Variants in PRLR observed in about 807,000 individuals in gnomAD.
The protein encoded by PRLR is hPRL receptor.
PRLR carries 13 observed loss-of-function variants against 40.2 expected under a neutral mutation model. The observed-to-expected ratio is 0.32, with a 90% CI of 0.21 to 0.51. The LOEUF (loss-of-function observed/expected upper bound fraction) is 0.51. PRLR is among the 20% of genes least tolerant of loss of function. The pLI, the probability that PRLR is intolerant of heterozygous loss-of-function variation, is 0.97. For missense variants in PRLR, 656 were observed against 747.3 expected (o/e 0.88, Z 1.42); for synonymous variants, 269 against 278.7 (o/e 0.97, Z 0.35).
chr5:35,086,159 A>G (rs1199606679), intron 4 of PRLR, 49 bp downstream of exon 4: 6 of 1,604,714 alleles, frequency 3.7e-6, no homozygotes, highest in South Asian at 2.2e-5. Context: ...TGGCCTGGAG[A>G]ATGGGAGTAC....
At chr5:35,230,141 C>G (rs1579826377) in intron 1 of PRLR, 127 bp downstream of exon 1, 1 of 152,174 alleles carries the variant, frequency 6.6e-6, no homozygotes, top group Non-Finnish European at 1.5e-5. Context: ...TCTCCAGGAG[C>G]CCGCGCCGGT....
intron 5 of PRLR, among the ~76,000 whole-genome samples, chr5:35,082,146 C>G (rs1579602634): frequency 6.6e-6 from 1 of 152,246 alleles, no homozygotes; most frequent in East Asian, 1.9e-4. Context: ...AGAGCAGGTG[C>G]TTAGGGAGAC....
At chr5:35,154,723 A>G (rs549446631) in intron 1 of PRLR, among the ~76,000 whole-genome samples, 1 of 152,320 alleles carries the variant, frequency 6.6e-6, no homozygotes, top group South Asian at 2.1e-4. Flanking sequence ...ACAATAGCAA[A>G]TACATGGAAT....
At chr5:35,224,765 G>C (rs1013970982) in intron 1 of PRLR, among the ~76,000 whole-genome samples, 1 of 152,140 alleles carries the variant, frequency 6.6e-6, no homozygotes, top group South Asian at 2.1e-4. Context: ...CAAACCAGTA[G>C]AGTACACAAA....
At chr5:35,107,546 C>G (rs1264965754) in intron 2 of PRLR, among the ~76,000 whole-genome samples, 1 of 152,096 alleles carries the variant, frequency 6.6e-6, no homozygotes, top group Non-Finnish European at 1.5e-5. Context: ...AAAGGGATAT[C>G]ACCACCAATC....
chr5:35,102,267 G>C (rs1166958243), intron 2 of PRLR, among the ~76,000 whole-genome samples: 2 of 152,058 alleles, frequency 1.3e-5, no homozygotes, highest in African/African-American at 2.4e-5. Flanking sequence ...GATGTGCTCA[G>C]CTGCTCCTAG....
At chr5:35,145,410 C>G (rs2111839291) in intron 1 of PRLR, among the ~76,000 whole-genome samples, 1 of 152,304 alleles carries the variant, frequency 6.6e-6, no homozygotes, top group African/African-American at 2.4e-5. Context: ...TCTTTCCTTT[C>G]CAGCTAAGGG....
chr5:35,218,458 T>G (rs1271048789), intron 1 of PRLR, among the ~76,000 whole-genome samples: 2 of 152,232 alleles, frequency 1.3e-5, no homozygotes, highest in Non-Finnish European at 2.9e-5. Flanking sequence ...ATTACTGTCT[T>G]TATAGCCATT....
At chr5:35,085,244 C>T (rs1209799209) in intron 4 of PRLR, among the ~76,000 whole-genome samples, 3 of 152,166 alleles carry the variant, frequency 2.0e-5, no homozygotes, top group African/African-American at 4.8e-5. Flanking sequence ...AGATACACTG[C>T]ACAGGGGTGG....
At chr5:35,099,600 G>T (rs1280550282) in intron 2 of PRLR, among the ~76,000 whole-genome samples, 1 of 152,110 alleles carries the variant, frequency 6.6e-6, no homozygotes, top group East Asian at 1.9e-4. Flanking sequence ...ATTCCAGAAG[G>T]CATTGTTGTC....
At chr5:35,230,174 C>A (rs369031785) in intron 1 of PRLR, 94 bp downstream of exon 1, 1 of 152,228 alleles carries the variant, frequency 6.6e-6, no homozygotes, top group South Asian at 2.1e-4. Context: ...CCCTTCAGCA[C>A]GCGGGCCTCG....
chr5:35,090,781 T>A (rs961504315), intron 2 of PRLR, among the ~76,000 whole-genome samples: 1 of 133,594 alleles, frequency 7.5e-6, no homozygotes, highest in Non-Finnish European at 1.6e-5. Flanking sequence ...CCAGGTACCA[T>A]CAATTAGCTC....
chr5:35,157,865 G>C (rs1008177919), intron 1 of PRLR, among the ~76,000 whole-genome samples: 1 of 152,168 alleles, frequency 6.6e-6, no homozygotes, highest in Non-Finnish European at 1.5e-5. Flanking sequence ...TTTTTTGTGT[G>C]TGTTCCAGCT....
chr5:35,226,734 C>G (rs1776563472), intron 1 of PRLR, among the ~76,000 whole-genome samples: 1 of 152,222 alleles, frequency 6.6e-6, no homozygotes, highest in Admixed American at 6.5e-5. Context: ...CCCTGTCCCT[C>G]TGTAGCCTTC....
At chr5:35,179,131 T>C (rs1043410954) in intron 1 of PRLR, among the ~76,000 whole-genome samples, 1 of 152,192 alleles carries the variant, frequency 6.6e-6, no homozygotes, top group African/African-American at 2.4e-5. Context: ...TACCTCTTCA[T>C]CTCACTACAT....
chr5:35,215,866 TAAAAAAAAAAA>T (rs1212093418), intron 1 of PRLR, among the ~76,000 whole-genome samples: 1 of 88,922 alleles, frequency 1.1e-5, no homozygotes, highest in Non-Finnish European at 2.1e-5. Flanking sequence ...CTGTCTCTAC[TAAAAAAAAAAA>T]AAAAAAAAAA....
chr5:35,142,354 T>C (rs990529906), intron 1 of PRLR, among the ~76,000 whole-genome samples: 1 of 152,054 alleles, frequency 6.6e-6, no homozygotes, highest in Non-Finnish European at 1.5e-5. Context: ...CGATTTTAGA[T>C]GGGGATGCTG....
At chr5:35,084,218 A>G (rs775199464) in intron 5 of PRLR, among the ~76,000 whole-genome samples, 7 of 152,212 alleles carry the variant, frequency 4.6e-5, no homozygotes, top group Non-Finnish European at 1.0e-4. Context: ...TACATAGAAC[A>G]TTTGTGCTGA....
chr5:35,084,658 T>A lies in PRLR; in HGVS notation c.204-19A>T, dbSNP rs1289586875. 1 of 1,600,066 alleles carries A rather than the reference T, an allele frequency of 6.2e-7. No individual in the cohort carries two copies. Among genetic ancestry groups the A allele is most frequent in the Non-Finnish European group, 8.5e-7 (1 of 1,173,080 alleles). On this transcript the variant is annotated intron_variant, in intron 4 of 9. Transcript: ENST00000618457. Reference sequence around the variant, plus strand: ...TGTCTCTCTGCAATAAGTAATGTATTAGGAATGAATAAGAAAGTAATAAAG... The same window carrying A: ...TGTCTCTCTGCAATAAGTAATGTATAAGGAATGAATAAGAAAGTAATAAAG...
Sources: allele counts gnomAD v4.1 joint callset (sites outside exome capture counted in the v4.1 genomes callset), GRCh38; gene constraint gnomAD v4.1.1; transcripts MANE v1.5; gene names NCBI Gene and HGNC (gene_info 2026-07-23, HGNC 2026-07-21).